CCDC201: variants seen among roughly 807,000 people sequenced by gnomAD.
CCDC201 encodes the protein coiled-coil domain-containing protein 201.
At chr7:45,878,461 G>T in the CCDC201 span, among the ~76,000 whole-genome samples, 986 of 152,336 alleles carry the variant, frequency 6.5e-3, 1 homozygote, top group Non-Finnish European at 0.011. Flanking sequence ...CTGAAATCTA[G>T]GCAGAGGCTC....
intron 1 of CCDC201, among the ~76,000 whole-genome samples, chr7:45,869,067 T>G (rs1482381514): frequency 6.6e-6 from 1 of 151,050 alleles, no homozygotes; most frequent in Non-Finnish European, 1.5e-5. Flanking sequence ...TGACGATTTC[T>G]CATGTCACTG....
chr7:45,875,320 C>A (rs1786788617), upstream of CCDC201, among the ~76,000 whole-genome samples: 1 of 151,924 alleles, frequency 6.6e-6, no homozygotes, highest in African/African-American at 2.4e-5. Flanking sequence ...AATGGTGAAA[C>A]CCCATCTCTA....
upstream of CCDC201, among the ~76,000 whole-genome samples, chr7:45,875,377 C>T (rs1022455119): frequency 6.6e-6 from 1 of 150,486 alleles, no homozygotes; most frequent in Non-Finnish European, 1.5e-5. Flanking sequence ...CACTTGTAGT[C>T]CCAGCTACTT....
chr7:45,883,725 T>C, the CCDC201 span, among the ~76,000 whole-genome samples: 1 of 152,222 alleles, frequency 6.6e-6, no homozygotes, highest in East Asian at 1.9e-4. Context: ...CATCATTCCA[T>C]ACTCCCCTTC....
chr7:45,879,940 G>T, the CCDC201 span, among the ~76,000 whole-genome samples: 1 of 152,082 alleles, frequency 6.6e-6, no homozygotes, highest in Non-Finnish European at 1.5e-5. Context: ...ACAAAAATTA[G>T]CCAGGCATGG....
At chr7:45,875,720 C>T (rs986581248), upstream of CCDC201, among the ~76,000 whole-genome samples, 1 of 152,208 alleles carries the variant, frequency 6.6e-6, no homozygotes, top group African/African-American at 2.4e-5. Flanking sequence ...TGGAGTGAAG[C>T]AGCGGGGGCT....
At chr7:45,877,891 C>T (rs1786833450), upstream of CCDC201, among the ~76,000 whole-genome samples, 2 of 152,126 alleles carry the variant, frequency 1.3e-5, no homozygotes, top group African/African-American at 4.8e-5. Flanking sequence ...AAGTCCAGGT[C>T]CAAAATCTCA....
intron 2 of CCDC201, among the ~76,000 whole-genome samples, chr7:45,864,286 A>G (rs1278547273): frequency 1.3e-5 from 2 of 152,086 alleles, no homozygotes; most frequent in Non-Finnish European, 2.9e-5. Context: ...GGCCGCTGGG[A>G]TGCTCCATCG....
intron 2 of CCDC201, among the ~76,000 whole-genome samples, 194 bp downstream of exon 2, chr7:45,865,842 G>A (rs1786662350): frequency 6.6e-6 from 1 of 152,196 alleles, no homozygotes; most frequent in Non-Finnish European, 1.5e-5. Context: ...GGACAGCCTT[G>A]ATCCTGTCCC....
At chr7:45,874,780 C>T (rs998095774), upstream of CCDC201, among the ~76,000 whole-genome samples, 21 of 152,166 alleles carry the variant, frequency 1.4e-4, no homozygotes, top group South Asian at 8.3e-4. Context: ...GAGAGTGGCT[C>T]GAAATTCTTC....
At chr7:45,882,058 T>C in the CCDC201 span, among the ~76,000 whole-genome samples, 1 of 151,984 alleles carries the variant, frequency 6.6e-6, no homozygotes. Flanking sequence ...CATCACTTTG[T>C]TTTTTTTCCC....
the CCDC201 span, among the ~76,000 whole-genome samples, chr7:45,885,013 A>C: frequency 6.6e-6 from 1 of 152,174 alleles, no homozygotes; most frequent in Non-Finnish European, 1.5e-5. Context: ...GCTGGAAGGA[A>C]GAGCAATTCA....
At chr7:45,875,771 C>T (rs907086905), upstream of CCDC201, among the ~76,000 whole-genome samples, 1 of 108,510 alleles carries the variant, frequency 9.2e-6, no homozygotes, top group Non-Finnish European at 2.0e-5. Flanking sequence ...GTCTCTCTTC[C>T]CTGCACTATG....
At chr7:45,876,119 G>T (rs1298373633), upstream of CCDC201, among the ~76,000 whole-genome samples, 1 of 152,148 alleles carries the variant, frequency 6.6e-6, no homozygotes. Context: ...GTTAGAAGGG[G>T]TCAGAGGGCA....
chr7:45,884,024 TTTC>T, the CCDC201 span, among the ~76,000 whole-genome samples: 1 of 150,788 alleles, frequency 6.6e-6, no homozygotes, highest in African/African-American at 2.4e-5. Flanking sequence ...TTTCTCTCTC[TTTC>T]TTCCTTCCTT....
chr7:45,882,280 T>C, the CCDC201 span, among the ~76,000 whole-genome samples: 1 of 152,038 alleles, frequency 6.6e-6, no homozygotes, highest in Non-Finnish European at 1.5e-5. Flanking sequence ...ACCCCAGAGG[T>C]CCCAGCCTCT....
chr7:45,874,283 AT>A (rs1786775817), upstream of CCDC201, among the ~76,000 whole-genome samples: 1 of 152,226 alleles, frequency 6.6e-6, no homozygotes. Flanking sequence ...ACCTAGTGGT[AT>A]TTAGCAGAAC....
exon 3 of CCDC201, chr7:45,861,972 T>G (rs963847298): frequency 3.9e-5 from 6 of 152,314 alleles, no homozygotes; most frequent in Non-Finnish European, 8.8e-5. Context: ...ATGCCTGTAC[T>G]TGGGAGAATT....
At chr7:45,878,131 G>A in the CCDC201 span, among the ~76,000 whole-genome samples, 1 of 152,196 alleles carries the variant, frequency 6.6e-6, no homozygotes, top group Non-Finnish European at 1.5e-5. Context: ...GATGCAAGGG[G>A]TGTTCTCCCA....
Sources: allele counts gnomAD v4.1 joint callset (sites outside exome capture counted in the v4.1 genomes callset), GRCh38; gene constraint gnomAD v4.1.1; transcripts MANE v1.5; gene names NCBI Gene and HGNC (gene_info 2026-07-23, HGNC 2026-07-21).